The following HSF2BP variants were observed in gnomAD, a reference collection of about 807,000 sequenced individuals.
The protein encoded by HSF2BP is heat shock factor 2-binding protein.
Under a neutral mutation model 35.0 loss-of-function variants are expected in HSF2BP, and 35 were observed. That is an observed-to-expected ratio of 1.00 (90% CI 0.76 to 1.32). HSF2BP has a LOEUF of 1.32. Ranked by LOEUF, HSF2BP falls within the 40% of genes most tolerant of loss-of-function variation. The pLI, the probability that HSF2BP is intolerant of heterozygous loss-of-function variation, is 0.00. For missense variants in HSF2BP, 326 were observed against 321.7 expected (o/e 1.01, Z -0.10); for synonymous variants, 114 against 117.4 (o/e 0.97, Z 0.18).
At chr21:43,607,643 C>T (rs558919101) in intron 7 of HSF2BP, among the ~76,000 whole-genome samples, 12 of 152,108 alleles carry the variant, frequency 7.9e-5, no homozygotes, top group East Asian at 1.9e-4. Context: ...GCCAAAGCAA[C>T]GCTAAGAAAA....
intron 6 of HSF2BP, among the ~76,000 whole-genome samples, chr21:43,618,707 C>A (rs1032852095): frequency 6.6e-6 from 1 of 150,748 alleles, no homozygotes; most frequent in South Asian, 2.1e-4. Context: ...GAGGCTGAGG[C>A]GGGCAGATCA....
the HSF2BP span, among the ~76,000 whole-genome samples, chr21:43,509,221 C>G: frequency 3.9e-5 from 1 of 25,610 alleles, no homozygotes; most frequent in Middle Eastern, 0.013. Context: ...GGGACCAAAA[C>G]TCGTCTCTGC....
intron 7 of HSF2BP, among the ~76,000 whole-genome samples, chr21:43,609,591 G>A (rs1298985120): frequency 6.6e-6 from 1 of 152,116 alleles, no homozygotes; most frequent in Non-Finnish European, 1.5e-5. Context: ...CACAAGGCAG[G>A]GGGAGGCCAG....
At chr21:43,601,902 C>G (rs1240260723) in intron 7 of HSF2BP, among the ~76,000 whole-genome samples, 1 of 152,156 alleles carries the variant, frequency 6.6e-6, no homozygotes, top group Non-Finnish European at 1.5e-5. Context: ...GATAACTTTC[C>G]TATCTAGAGT....
intron 3 of HSF2BP, among the ~76,000 whole-genome samples, chr21:43,646,830 G>A (rs570072633): frequency 6.6e-6 from 1 of 152,286 alleles, no homozygotes; most frequent in Admixed American, 6.5e-5. Context: ...GCTGTATGAG[G>A]CCGCCACCTT....
intron 7 of HSF2BP, among the ~76,000 whole-genome samples, chr21:43,609,309 T>A (rs1359144423): frequency 2.0e-5 from 3 of 152,162 alleles, no homozygotes; most frequent in Non-Finnish European, 4.4e-5. Context: ...GAACAAGGAC[T>A]GAAAAATCTC....
intron 7 of HSF2BP, among the ~76,000 whole-genome samples, chr21:43,609,096 G>C (rs1690664932): frequency 1.3e-5 from 2 of 152,254 alleles, no homozygotes; most frequent in African/African-American, 4.8e-5. Flanking sequence ...CAGCCAGAAA[G>C]AAAGACCACC....
intron 3 of HSF2BP, among the ~76,000 whole-genome samples, chr21:43,644,787 C>T (rs1371615941): frequency 2.0e-5 from 3 of 152,178 alleles, no homozygotes; most frequent in South Asian, 2.1e-4. Context: ...GAGTGCACGG[C>T]GCCAGCACAG....
intron 8 of HSF2BP, among the ~76,000 whole-genome samples, chr21:43,579,050 C>G (rs1182644434): frequency 6.6e-6 from 1 of 152,210 alleles, no homozygotes; most frequent in African/African-American, 2.4e-5. Context: ...AAATATTTGA[C>G]AAATGCTAAC....
rs759748468 is a variant in HSF2BP at position 43,597,673 on chromosome 21, A to C, written c.693-5345T>G. Among the ~76,000 whole-genome samples, 4 of 152,090 alleles carry C rather than the reference A, an allele frequency of 2.6e-5. No homozygotes were observed. The highest frequency in any genetic ancestry group is 4.4e-5 in the Non-Finnish European group (3 of 68,004). On this transcript the variant is annotated intron_variant, in intron 7 of 8. Transcript: ENST00000291560. The surrounding 1 kb of genome is among the most constrained non-coding windows in gnomAD (Gnocchi z 4.3). Reference sequence around the variant, plus strand: ...GTAGCTGAGACTACAGGCATGTGCCACCACACCCAGCTTATTTTTTAATTT... The same window carrying C: ...GTAGCTGAGACTACAGGCATGTGCCCCCACACCCAGCTTATTTTTTAATTT...
intron 4 of HSF2BP, among the ~76,000 whole-genome samples, chr21:43,644,074 A>T (rs2082676198): frequency 6.6e-6 from 1 of 152,248 alleles, no homozygotes; most frequent in South Asian, 2.1e-4. Flanking sequence ...TAAACATAAA[A>T]GTTAAAAGAT....
intron 6 of HSF2BP, among the ~76,000 whole-genome samples, chr21:43,616,049 A>AT (rs1303194866): frequency 4.8e-4 from 68 of 141,202 alleles, no homozygotes; most frequent in African/African-American, 1.8e-3. Flanking sequence ...AAGAAAAAAA[A>AT]AAAATATATA....
chr21:43,595,899 AT>A (rs1210364496), intron 7 of HSF2BP, among the ~76,000 whole-genome samples: 2 of 151,514 alleles, frequency 1.3e-5, no homozygotes, highest in African/African-American at 2.4e-5. Context: ...TAATTGTTGT[AT>A]TTTTAGTAGA....
rs34954288 is a variant in HSF2BP at position 43,576,118 on chromosome 21, CAAA to C, written c.796+16104_796+16106del. 5.4e-4 allele frequency among the ~76,000 whole-genome samples: 62 copies of C among 114,742 alleles called. 1 individual carries two copies. The highest frequency in any genetic ancestry group is 1.0e-3 in the African/African-American group (31 of 30,906). 75.3% of individuals were successfully genotyped at this position (114,742 alleles called of 152,430 possible). A position where few individuals can be genotyped will look rare whatever the true frequency, so the allele number is the denominator to read the frequency against. ...GGATGACAGAGCAAGATTTTGTCTC[CAAA>C]AAAAAAAAAAAAAAAAGTCATTTCC... On this transcript the variant is annotated intron_variant, in intron 8 of 8. Transcript: ENST00000291560.
intron 4 of HSF2BP, among the ~76,000 whole-genome samples, chr21:43,636,625 G>C (rs544638457): frequency 1.3e-5 from 2 of 152,144 alleles, no homozygotes; most frequent in Non-Finnish European, 2.9e-5. Flanking sequence ...AATGTGTCCG[G>C]GCGCGATGGT....
chr21:43,622,873 CT>C (rs1404093542), intron 6 of HSF2BP, among the ~76,000 whole-genome samples: 1 of 152,166 alleles, frequency 6.6e-6, no homozygotes, highest in African/African-American at 2.4e-5. Context: ...AATATACATT[CT>C]TTTCATCAGC....
intron 7 of HSF2BP, among the ~76,000 whole-genome samples, chr21:43,606,258 T>A (rs2082134048): frequency 6.6e-6 from 1 of 151,134 alleles, no homozygotes; most frequent in Admixed American, 6.6e-5. Flanking sequence ...ATGACGAGAG[T>A]CCGTGCACAC....
chr21:43,609,246 A>G (rs1373494539), intron 7 of HSF2BP, among the ~76,000 whole-genome samples: 1 of 152,120 alleles, frequency 6.6e-6, no homozygotes, highest in Non-Finnish European at 1.5e-5. Context: ...ACGCGGACAT[A>G]AAGATGGGAA....
chr21:43,628,945 A>C (rs1346805725), intron 6 of HSF2BP, among the ~76,000 whole-genome samples: 1 of 152,238 alleles, frequency 6.6e-6, no homozygotes, highest in East Asian at 1.9e-4. Context: ...TGGTTTACTG[A>C]ATATTTTCAG....
Sources: allele counts gnomAD v4.1 joint callset (sites outside exome capture counted in the v4.1 genomes callset), GRCh38; gene constraint gnomAD v4.1.1; non-coding constraint Gnocchi (gnomAD v3.1); transcripts MANE v1.5; gene names NCBI Gene and HGNC (gene_info 2026-07-23, HGNC 2026-07-21).